Variants in DGKB observed in about 807,000 individuals in gnomAD.
The protein encoded by DGKB is diacylglycerol kinase beta.
In DGKB, 67 loss-of-function variants were observed where a neutral mutation model predicts 114.3. The observed-to-expected ratio is 0.59, with a 90% CI of 0.48 to 0.72. The LOEUF (loss-of-function observed/expected upper bound fraction) is 0.72. DGKB is among the 30% of genes least tolerant of loss of function. DGKB has a pLI of 0.00. For missense variants in DGKB, 907 were observed against 975.2 expected, an observed-to-expected ratio of 0.93 and a Z score of 0.93; for synonymous variants, 398 against 323.1, an observed-to-expected ratio of 1.23 and a Z score of -2.49.
chr7:14,397,822 G>C lies in DGKB; in HGVS notation c.1836-52431C>G, dbSNP rs1583639103. Among the ~76,000 whole-genome samples, 3 of 152,156 alleles carry C rather than the reference G, an allele frequency of 2.0e-5. No individual in the cohort carries two copies. The East Asian group carries it at 5.8e-4, about 29-fold the overall frequency. ...TTTTTCATTATGAATGCTTTCTTAT[G>C]TCAAGTATAGTATTTGGGTTTTCTC... On this transcript the variant is annotated intron_variant, in intron 21 of 25. Coordinates refer to ENST00000402815, the MANE Select transcript of DGKB (RefSeq NM_001350709.2).
chr7:14,738,222 C>T (rs1304943095), intron 4 of DGKB, among the ~76,000 whole-genome samples: 1 of 152,134 alleles, frequency 6.6e-6, no homozygotes, highest in Non-Finnish European at 1.5e-5. Flanking sequence ...GTATGAAGGC[C>T]CATGAGGAAC....
chr7:14,216,534 TG>T (rs1451610410), intron 23 of DGKB, among the ~76,000 whole-genome samples: 1 of 151,910 alleles, frequency 6.6e-6, no homozygotes, highest in Non-Finnish European at 1.5e-5. Context: ...GAAACCAGCC[TG>T]GCCAACATGG....
chr7:14,438,851 G>A (rs1468007348), intron 21 of DGKB, among the ~76,000 whole-genome samples: 1 of 151,610 alleles, frequency 6.6e-6, no homozygotes, highest in Non-Finnish European at 1.5e-5. Context: ...ACACTTTCAT[G>A]TTTTAAAATC....
chr7:14,384,313 A>G (rs181819130), intron 21 of DGKB, among the ~76,000 whole-genome samples: 84 of 152,370 alleles, frequency 5.5e-4, no homozygotes, highest in Admixed American at 4.0e-3. Flanking sequence ...TTAGCAAAAT[A>G]CAGCTTACAG....
chr7:14,695,411 T>TTGA (rs1428919356), intron 8 of DGKB, among the ~76,000 whole-genome samples: 3 of 151,280 alleles, frequency 2.0e-5, no homozygotes, highest in Non-Finnish European at 4.4e-5. Context: ...CTGAGTTAAT[T>TTGA]TGATAAAAAC....
chr7:14,662,209 T>TA (rs60406128), intron 13 of DGKB, among the ~76,000 whole-genome samples: 4 of 150,734 alleles, frequency 2.7e-5, no homozygotes, highest in Admixed American at 6.6e-5. Flanking sequence ...GTATAATAAT[T>TA]AAAAAAAATA....
At chr7:14,807,104 T>C (rs1042827920) in intron 2 of DGKB, among the ~76,000 whole-genome samples, 5 of 152,120 alleles carry the variant, frequency 3.3e-5, no homozygotes, top group Admixed American at 2.0e-4. Flanking sequence ...CATGAAACTA[T>C]GCCTGAAGCT....
chr7:14,261,013 C>A (rs77352168), intron 23 of DGKB, among the ~76,000 whole-genome samples: 2 of 152,014 alleles, frequency 1.3e-5, no homozygotes, highest in African/African-American at 4.8e-5. Flanking sequence ...CTCACTTGAT[C>A]AAATTAGCTG....
intron 25 of DGKB, among the ~76,000 whole-genome samples, chr7:14,167,492 G>T (rs1040723720): frequency 2.6e-5 from 4 of 151,774 alleles, no homozygotes; most frequent in Admixed American, 1.3e-4. Context: ...AGCCCTGGGA[G>T]TAAAAAAAAA....
chr7:14,414,532 A>T lies in DGKB; in HGVS notation c.1835+63629T>A, dbSNP rs149733899. On this transcript the variant is annotated intron_variant, in intron 21 of 25. Coordinates refer to ENST00000402815, the MANE Select transcript of DGKB (RefSeq NM_001350709.2). ...GCTTGGAGAAGTCATTTAATTAATCAGAGCTTTAGTTTCTTAACCTGTGTA... is the reference window on the plus strand; with the variant it reads ...GCTTGGAGAAGTCATTTAATTAATCTGAGCTTTAGTTTCTTAACCTGTGTA... 7.8e-3 allele frequency among the ~76,000 whole-genome samples: 1,185 copies of T among 152,278 alleles called. 15 individuals are homozygous for T. The highest frequency in any genetic ancestry group is 0.025 in the African/African-American group (1,045 of 41,552).
At chr7:14,544,435 T>G (rs1793965987) in intron 20 of DGKB, among the ~76,000 whole-genome samples, 2 of 152,184 alleles carry the variant, frequency 1.3e-5, no homozygotes, top group South Asian at 4.1e-4. Context: ...TAAAATACAG[T>G]TTCATTCAAA....
chr7:14,174,747 C>T (rs1327587407), intron 25 of DGKB, among the ~76,000 whole-genome samples: 1 of 152,134 alleles, frequency 6.6e-6, no homozygotes, highest in South Asian at 2.1e-4. Context: ...CCATCACCAC[C>T]TCTGCAATAG....
chr7:14,905,917 T>G (rs1267604416), upstream of DGKB, among the ~76,000 whole-genome samples: 1 of 152,200 alleles, frequency 6.6e-6, no homozygotes, highest in Non-Finnish European at 1.5e-5. Context: ...TTCGTCTTTT[T>G]TCTGCTGCTA....
chr7:14,698,483 G>T (rs1425379077), intron 7 of DGKB, among the ~76,000 whole-genome samples: 1 of 152,102 alleles, frequency 6.6e-6, no homozygotes, highest in Non-Finnish European at 1.5e-5. Context: ...ACTGTCACAT[G>T]TGATTTTTAA....
At chr7:14,264,577 C>T (rs1056617701) in intron 23 of DGKB, among the ~76,000 whole-genome samples, 1 of 152,156 alleles carries the variant, frequency 6.6e-6, no homozygotes, top group South Asian at 2.1e-4. Flanking sequence ...CAAGCAACTT[C>T]TATTTTTGCA....
At chr7:14,749,501 G>A (rs948667029) in intron 4 of DGKB, among the ~76,000 whole-genome samples, 17 of 152,196 alleles carry the variant, frequency 1.1e-4, no homozygotes, top group Non-Finnish European at 2.2e-4. Context: ...GGAAATGGCC[G>A]AAAGATAATG....
intron 23 of DGKB, among the ~76,000 whole-genome samples, chr7:14,231,216 C>G (rs984963451): frequency 1.3e-5 from 2 of 151,256 alleles, no homozygotes; most frequent in African/African-American, 4.9e-5. Context: ...TCACTACAGC[C>G]TTGAACTTCT....
chr7:14,525,898 T>C (rs780252147), intron 20 of DGKB, among the ~76,000 whole-genome samples: 13 of 152,154 alleles, frequency 8.5e-5, no homozygotes, highest in Non-Finnish European at 1.6e-4. Flanking sequence ...TGAAGAAATA[T>C]AGCATTGGAA....
At chr7:14,563,642 T>A (rs1014061989) in intron 20 of DGKB, among the ~76,000 whole-genome samples, 3 of 122,760 alleles carry the variant, frequency 2.4e-5, no homozygotes, top group Non-Finnish European at 5.3e-5. Flanking sequence ...CATACAACTC[T>A]GTTTTTTTTT....
Sources: gnomAD v4.1 joint callset for allele counts (sites outside exome capture counted in the v4.1 genomes callset) on GRCh38, gnomAD v4.1.1 for gene constraint, MANE v1.5 for transcripts, NCBI Gene and HGNC (gene_info 2026-07-23, HGNC 2026-07-21) for gene names.